Variants in TG observed in about 807,000 individuals in gnomAD.
TG encodes thyroid hormones.
In TG, 270 loss-of-function variants were observed where a neutral mutation model predicts 324.7. That is an observed-to-expected ratio of 0.83 (90% confidence interval 0.75 to 0.92). The LOEUF (loss-of-function observed/expected upper bound fraction) is 0.92. Ranked by LOEUF, TG falls within the 40% of genes least tolerant of loss-of-function variation. The pLI, the probability that TG is intolerant of heterozygous loss-of-function variation, is 0.00. For missense variants in TG, 3,591 were observed against 3,456.4 expected (o/e 1.04, Z -0.98); for synonymous variants, 1,401 against 1,327.0 (o/e 1.06, Z -1.21).
intron 41 of TG, chr8:133,039,927 C>T: frequency 6.6e-7 from 1 of 1,518,068 alleles, no homozygotes; most frequent in South Asian, 1.2e-5. Flanking sequence ...CCGTTTTGTG[C>T]TCACATGTTC....
chr8:132,877,864 T>C (rs1814054075), intron 5 of TG, among the ~76,000 whole-genome samples: 1 of 152,244 alleles, frequency 6.6e-6, no homozygotes, highest in African/African-American at 2.4e-5. Flanking sequence ...ATTGCTCTGT[T>C]GGAGTGGTAG....
chr8:133,118,566 C>T (rs190045644), intron 45 of TG, among the ~76,000 whole-genome samples: 273 of 152,226 alleles, frequency 1.8e-3, no homozygotes, highest in African/African-American at 6.3e-3. Flanking sequence ...CTCAAGTGAT[C>T]GATCTGCCTC....
chr8:133,127,557 C>T (rs1851614422), intron 45 of TG, among the ~76,000 whole-genome samples: 1 of 152,222 alleles, frequency 6.6e-6, no homozygotes, highest in Non-Finnish European at 1.5e-5. Flanking sequence ...ACTTACAACT[C>T]ATTTGCTAAG....
At chr8:133,119,988 T>C (rs1851012876) in intron 45 of TG, among the ~76,000 whole-genome samples, 1 of 152,152 alleles carries the variant, frequency 6.6e-6, no homozygotes, top group South Asian at 2.1e-4. Context: ...GCCATGTGGT[T>C]TGGGTGGAGA....
At chr8:133,006,107 C>A (rs1483797108) in intron 35 of TG, among the ~76,000 whole-genome samples, 3 of 152,196 alleles carry the variant, frequency 2.0e-5, no homozygotes, top group African/African-American at 7.2e-5. Context: ...AGATCATGAA[C>A]AAGGGCAATG....
intron 36 of TG, among the ~76,000 whole-genome samples, chr8:133,013,254 G>A (rs1834678785): frequency 6.6e-6 from 1 of 152,222 alleles, no homozygotes; most frequent in African/African-American, 2.4e-5. Flanking sequence ...TCACATAAAT[G>A]AGTGATTGCA....
intron 6 of TG, 33 bp downstream of exon 6, chr8:132,882,002 G>C: frequency 6.9e-7 from 1 of 1,457,160 alleles, no homozygotes; most frequent in Admixed American, 1.7e-5. Context: ...TCTGAAGGGA[G>C]GGAGTGTGAT....
chr8:132,945,035 G>T (rs1825032088), intron 26 of TG, among the ~76,000 whole-genome samples: 1 of 152,180 alleles, frequency 6.6e-6, no homozygotes, highest in Non-Finnish European at 1.5e-5. Context: ...AACCTTGTAG[G>T]CGGCATGAAT....
At chr8:132,917,082 C>CTTCCTTCCTTCCTTCCTTCCTTCA (rs527581820) in intron 20 of TG, among the ~76,000 whole-genome samples, 6 of 109,748 alleles carry the variant, frequency 5.5e-5, no homozygotes, top group South Asian at 3.4e-4. Context: ...TCCTTCCTTC[C>CTTCCTTCCTTCCTTCCTTCCTTCA]TTCCCTTACT....
At chr8:132,877,242 C>G (rs1813945370) in intron 5 of TG, among the ~76,000 whole-genome samples, 1 of 152,084 alleles carries the variant, frequency 6.6e-6, no homozygotes, top group Non-Finnish European at 1.5e-5. Context: ...CAAGCTGAAA[C>G]AATTCTCCTG....
chr8:133,038,116 C>T (rs1168370252), intron 41 of TG: 1 of 182,764 alleles, frequency 5.5e-6, no homozygotes, highest in Non-Finnish European at 1.1e-5. Flanking sequence ...TCCTCTCCCT[C>T]TCAGGCTTGC....
chr8:133,030,744 C>G (rs1363009174), intron 41 of TG, among the ~76,000 whole-genome samples: 1 of 152,208 alleles, frequency 6.6e-6, no homozygotes, highest in African/African-American at 2.4e-5. Flanking sequence ...CCCAGCCAAG[C>G]ATAAGGGAAG....
intron 26 of TG, among the ~76,000 whole-genome samples, chr8:132,942,716 G>C (rs41383448): frequency 2.6e-5 from 4 of 152,190 alleles, no homozygotes; most frequent in Non-Finnish European, 4.4e-5. Flanking sequence ...GAACTAGGCA[G>C]TGTGCGATGC....
intron 41 of TG, among the ~76,000 whole-genome samples, chr8:133,039,286 G>A (rs1837711190): frequency 6.6e-6 from 1 of 152,210 alleles, no homozygotes; most frequent in South Asian, 2.1e-4. Context: ...TGGGCTGTGT[G>A]ATCTTGGACA....
chr8:132,867,103 G>A, intron 1 of TG, 36 bp downstream of exon 1: 1 of 1,563,706 alleles, frequency 6.4e-7, no homozygotes. Flanking sequence ...GCGGTGGGGA[G>A]GGAGCTCCAG....
intron 34 of TG, among the ~76,000 whole-genome samples, chr8:132,978,523 T>C (rs895112291): frequency 2.6e-5 from 4 of 152,158 alleles, no homozygotes; most frequent in African/African-American, 9.7e-5. Flanking sequence ...CTCCCCAGCC[T>C]CAGAGAATTA....
intron 5 of TG, among the ~76,000 whole-genome samples, chr8:132,875,761 C>T (rs1839891132): frequency 6.6e-6 from 1 of 152,184 alleles, no homozygotes; most frequent in Non-Finnish European, 1.5e-5. Flanking sequence ...TGTAAGAAAG[C>T]ATGTCTCTGA....
chr8:132,900,275 C>T lies in TG; in HGVS notation c.3369C>T (p.Gly1123=). 1.9e-6 allele frequency: 3 copies of T among 1,614,070 alleles called. No homozygotes were observed. The highest frequency in any genetic ancestry group is 2.7e-5 in the African/African-American group (2 of 75,058). The change falls in exon 15 of 48, where the codon GGC becomes GGT. Residue 1123 remains glycine (G), a synonymous_variant. Transcript: ENST00000220616. The part of the protein sequence containing the change: ...EYARLQASGA[G]TWCVDPASGE... ...CCAGGCTGCAGGCATCGGGGGCTGG[C>T]ACCTGGTGTGTGGACCCTGCATCAG...
chr8:133,070,114 T>A (rs1428603679), intron 41 of TG, among the ~76,000 whole-genome samples: 1 of 151,908 alleles, frequency 6.6e-6, no homozygotes, highest in Non-Finnish European at 1.5e-5. Context: ...GGTGTGCTAG[T>A]AAATGTCAAA....
Sources: allele counts gnomAD v4.1 joint callset (sites outside exome capture counted in the v4.1 genomes callset), GRCh38; gene constraint gnomAD v4.1.1; transcripts MANE v1.5; gene names NCBI Gene and HGNC (gene_info 2026-07-23, HGNC 2026-07-21).